RSRC2: variants seen among roughly 807,000 people sequenced by gnomAD.
The protein encoded by RSRC2 is arginine and serine rich coiled-coil 2.
RSRC2 carries 5 observed loss-of-function variants against 61.3 expected under a neutral mutation model. That is an observed-to-expected ratio of 0.08 (90% CI 0.04 to 0.17). The LOEUF is 0.17. Among genes scored for constraint, RSRC2 ranks in the 10% least tolerant of loss-of-function variants. The probability of loss-of-function intolerance (pLI) is 1.00; values close to 1 mark genes in which losing one functional copy is unlikely to be tolerated. For missense variants in RSRC2, 381 were observed against 518.8 expected (o/e 0.73, Z 2.58); for synonymous variants, 202 against 166.5 (o/e 1.21, Z -1.64).
At chr12:122,515,807 T>C (rs1197370577) in intron 5 of RSRC2, among the ~76,000 whole-genome samples, 2 of 152,114 alleles carry the variant, frequency 1.3e-5, no homozygotes, top group Non-Finnish European at 2.9e-5. Context: ...CTGGCCAACA[T>C]GGTGAAACCC....
At chr12:122,513,785 CTG>C (rs1216646121) in intron 6 of RSRC2, 1 of 985,286 alleles carries the variant, frequency 1.0e-6, no homozygotes, top group Non-Finnish European at 1.2e-6. Context: ...TGCTGTTCAG[CTG>C]CAGTTTCTGT....
Position 122,503,541 on chromosome 12 carries a change from A to G in RSRC2, c.*1986T>C, listed in dbSNP as rs1329805734. On this transcript the variant is annotated 3_prime_UTR_variant, in exon 10 of 10. Coordinates refer to ENST00000331738, the MANE Select transcript of RSRC2 (RefSeq NM_023012.6). ...CACTCATCATGTATGGTCAGCTCCT[A>G]AAATAACTGTAGACACACAGGAAGC... 1 of 152,228 alleles carries G rather than the reference A, an allele frequency of 6.6e-6. No individual in the cohort carries two copies. The highest frequency in any genetic ancestry group is 1.5e-5 in the Non-Finnish European group (1 of 68,042). The allele number at this position is 152,228 out of a possible 1,614,324, so 9.4% of individuals were successfully genotyped here.
intron 6 of RSRC2, chr12:122,514,537 A>G: frequency 9.5e-6 from 9 of 947,112 alleles, no homozygotes; most frequent in Non-Finnish European, 1.1e-5. Flanking sequence ...AAATGCCGGG[A>G]TTACAGGTGT....
At chr12:122,520,454 G>C (rs1486385897) in intron 3 of RSRC2, 1 of 1,007,178 alleles carries the variant, frequency 9.9e-7, no homozygotes, top group East Asian at 4.9e-5. Flanking sequence ...ACCCTTAACT[G>C]ATTTAAGATA....
chr12:122,507,479 T>C (rs1488956702), intron 8 of RSRC2, among the ~76,000 whole-genome samples: 1 of 150,462 alleles, frequency 6.6e-6, no homozygotes, highest in Non-Finnish European at 1.5e-5. Context: ...TTGCATTTAA[T>C]GTCATTTGTC....
At chr12:122,513,066 G>A (rs557689996) in intron 6 of RSRC2, among the ~76,000 whole-genome samples, 123 of 151,866 alleles carry the variant, frequency 8.1e-4, no homozygotes, top group African/African-American at 2.7e-3. Context: ...GTGGTGATGC[G>A]CATCAGTAAT....
intron 6 of RSRC2, chr12:122,514,581 TAA>T (rs79986881): frequency 9.8e-3 from 8,599 of 880,422 alleles, no homozygotes; most frequent in South Asian, 0.016. Context: ...AGCAGAAAAT[TAA>T]AAAAAAAAAA....
At chr12:122,514,900 C>T (rs1248401698) in intron 6 of RSRC2, 6 of 686,366 alleles carry the variant, frequency 8.7e-6, no homozygotes, top group Non-Finnish European at 1.3e-5. Context: ...AAGGAAAAAA[C>T]AGAAATTGTA....
chr12:122,515,549 T>C (rs1050575730), intron 5 of RSRC2, among the ~76,000 whole-genome samples: 3 of 152,216 alleles, frequency 2.0e-5, no homozygotes, highest in Admixed American at 6.5e-5. Flanking sequence ...TTGCATAGTA[T>C]ATCCAATGTT....
At chr12:122,508,090 A>G in intron 8 of RSRC2, 128 bp downstream of exon 8, 1 of 816,596 alleles carries the variant, frequency 1.2e-6, no homozygotes, top group Non-Finnish European at 2.1e-6. Context: ...GGCATAAGCC[A>G]CCCGCGTCTG....
At chr12:122,514,266 G>GC (rs1555213856) in intron 6 of RSRC2, among the ~76,000 whole-genome samples, 1 of 137,290 alleles carries the variant, frequency 7.3e-6, no homozygotes, top group Non-Finnish European at 1.5e-5. Context: ...GTGTGTGTGT[G>GC]TGTGTTTTTT....
intron 6 of RSRC2, chr12:122,514,703 T>A: frequency 8.6e-7 from 1 of 1,159,968 alleles, no homozygotes; most frequent in South Asian, 1.5e-5. Flanking sequence ...TTGACAAAAT[T>A]TTACTTACTG....
chr12:122,515,258 T>C (rs1958818004), intron 5 of RSRC2, 31 bp from the exon 6 acceptor site: 2 of 1,601,318 alleles, frequency 1.2e-6, no homozygotes, highest in African/African-American at 1.3e-5. Flanking sequence ...TATGTCAAAT[T>C]ATGGCCAAGT....
chr12:122,519,388 GTTAAGT>G (rs71085816), intron 3 of RSRC2: 73,934 of 172,488 alleles, frequency 0.43, 19,022 homozygotes, highest in Non-Finnish European at 0.54. Flanking sequence ...ATTACATAAT[GTTAAGT>G]TTAAGTAAGT....
intron 1 of RSRC2, among the ~76,000 whole-genome samples, chr12:122,526,489 C>A (rs1225498603): frequency 6.6e-6 from 1 of 152,014 alleles, no homozygotes; most frequent in African/African-American, 2.4e-5. Context: ...TTTCTCTTCC[C>A]CAGCCCCTTT....
At chr12:122,508,732 G>A (rs1262854272) in intron 7 of RSRC2, among the ~76,000 whole-genome samples, 2 of 151,980 alleles carry the variant, frequency 1.3e-5, no homozygotes, top group African/African-American at 2.4e-5. Flanking sequence ...TGAGGTGGGC[G>A]GATCACCTGA....
At chr12:122,506,988 T>G in intron 8 of RSRC2, 65 bp from the exon 9 acceptor site, 3 of 843,474 alleles carry the variant, frequency 3.6e-6, no homozygotes, top group Non-Finnish European at 5.8e-6. Flanking sequence ...ATGAAATCTC[T>G]CAACAATGTC....
chr12:122,506,712 G>T, intron 9 of RSRC2, 122 bp downstream of exon 9: 1 of 670,646 alleles, frequency 1.5e-6, no homozygotes, highest in Non-Finnish European at 2.7e-6. Context: ...CACAAAAGGT[G>T]GTGGGAAAGA....
chr12:122,513,840 A>C, intron 6 of RSRC2: 5 of 984,764 alleles, frequency 5.1e-6, no homozygotes, highest in Non-Finnish European at 4.8e-6. Context: ...ACACTGTGTT[A>C]CCAGCCTGGG....
Sources: gnomAD v4.1 joint callset for allele counts (sites outside exome capture counted in the v4.1 genomes callset) on GRCh38, gnomAD v4.1.1 for gene constraint, MANE v1.5 for transcripts, NCBI Gene and HGNC (gene_info 2026-07-23, HGNC 2026-07-21) for gene names.